The following ADAMTSL1 variants were observed in gnomAD, a reference collection of about 807,000 sequenced individuals.
ADAMTSL1 encodes ADAMTS like 1, also known as ADAMTS-like protein 1.
A neutral mutation model predicts 201.8 loss-of-function variants in ADAMTSL1; 126 were observed. That is an observed-to-expected ratio of 0.62 (90% confidence interval 0.54 to 0.72). The LOEUF (loss-of-function observed/expected upper bound fraction) is 0.72. ADAMTSL1 is among the 30% of genes least tolerant of loss of function. The pLI is 0.00. For synonymous variants in ADAMTSL1, 1,121 were observed against 903.4 expected (o/e 1.24, Z -4.32); for missense variants, 2,679 against 2,277.8 (o/e 1.18, Z -3.59).
chr9:18,901,700 T>TA (rs564842641), intron 26 of ADAMTSL1, among the ~76,000 whole-genome samples: 30 of 152,124 alleles, frequency 2.0e-4, no homozygotes, highest in East Asian at 7.7e-4. Context: ...TTTGTCACTA[T>TA]AAAAAAACAA....
chr9:18,743,812 T>C (rs146081063), intron 15 of ADAMTSL1, among the ~76,000 whole-genome samples: 274 of 152,374 alleles, frequency 1.8e-3, no homozygotes, highest in Admixed American at 6.1e-3. Flanking sequence ...TTTTACTTTA[T>C]CTTTTCTAGG....
chr9:18,085,200 A>G (rs540530416), intron 1 of ADAMTSL1, among the ~76,000 whole-genome samples: 3 of 152,190 alleles, frequency 2.0e-5, no homozygotes, highest in African/African-American at 7.2e-5. Flanking sequence ...TTTTCCTGTG[A>G]TTCAAGTGGG....
At chr9:18,100,930 T>C (rs1326990175) in intron 1 of ADAMTSL1, among the ~76,000 whole-genome samples, 2 of 152,232 alleles carry the variant, frequency 1.3e-5, no homozygotes, top group African/African-American at 4.8e-5. Context: ...TGCACTGCCG[T>C]GTCCCATACA....
intron 1 of ADAMTSL1, among the ~76,000 whole-genome samples, chr9:18,476,752 C>A (rs973188819): frequency 1.3e-5 from 2 of 152,020 alleles, no homozygotes; most frequent in Non-Finnish European, 2.9e-5. Flanking sequence ...TTCTAAAGGT[C>A]TCTGTAACTT....
intron 2 of ADAMTSL1, among the ~76,000 whole-genome samples, chr9:18,176,281 C>A (rs1828152720): frequency 6.6e-6 from 1 of 151,982 alleles, no homozygotes; most frequent in Admixed American, 6.6e-5. Context: ...GCCCATGGAA[C>A]AGAATCTTAA....
At chr9:17,998,402 G>A (rs1187108131) in intron 1 of ADAMTSL1, among the ~76,000 whole-genome samples, 3 of 152,022 alleles carry the variant, frequency 2.0e-5, no homozygotes, top group Non-Finnish European at 1.5e-5. Flanking sequence ...GAAGGCTGAA[G>A]ACAGGTGAGA....
At chr9:18,898,837 T>G (rs1162000682) in intron 26 of ADAMTSL1, among the ~76,000 whole-genome samples, 1 of 152,118 alleles carries the variant, frequency 6.6e-6, no homozygotes, top group African/African-American at 2.4e-5. Flanking sequence ...AATCAGCAGT[T>G]GCTATTATAG....
At chr9:18,636,124 C>A (rs1217812057) in intron 6 of ADAMTSL1, 107 bp downstream of exon 6, 1 of 940,516 alleles carries the variant, frequency 1.1e-6, no homozygotes, top group Non-Finnish European at 1.6e-6. Context: ...TCTTTCTACT[C>A]TATCATAATA....
intron 1 of ADAMTSL1, among the ~76,000 whole-genome samples, chr9:18,163,561 C>G (rs1161221171): frequency 6.6e-6 from 1 of 151,910 alleles, no homozygotes; most frequent in Non-Finnish European, 1.5e-5. Flanking sequence ...TGGGATGAGT[C>G]TAGGAGCCTG....
At chr9:18,541,076 A>G (rs1023433689) in intron 3 of ADAMTSL1, among the ~76,000 whole-genome samples, 1 of 152,222 alleles carries the variant, frequency 6.6e-6, no homozygotes, top group Non-Finnish European at 1.5e-5. Context: ...CTCTCATGTT[A>G]AAGTCAGATG....
chr9:18,775,510 G>C (rs2133744809), intron 17 of ADAMTSL1, among the ~76,000 whole-genome samples: 1 of 152,284 alleles, frequency 6.6e-6, no homozygotes, highest in East Asian at 1.9e-4. Context: ...GACTATATAT[G>C]TAAAATAGAT....
At chr9:18,349,966 G>A (rs919911352) in intron 2 of ADAMTSL1, among the ~76,000 whole-genome samples, 16 of 151,438 alleles carry the variant, frequency 1.1e-4, no homozygotes, top group Non-Finnish European at 1.9e-4. Flanking sequence ...TTTCTTTGAG[G>A]TTAGACCTCC....
chr9:18,652,814 G>T (rs183716427), intron 7 of ADAMTSL1, among the ~76,000 whole-genome samples: 19 of 152,106 alleles, frequency 1.2e-4, no homozygotes, highest in African/African-American at 4.3e-4. Context: ...TCCTTTATCC[G>T]CTGGAGGCTG....
chr9:18,074,514 C>A (rs201637633), intron 1 of ADAMTSL1, among the ~76,000 whole-genome samples: 1 of 90,122 alleles, frequency 1.1e-5, no homozygotes, highest in African/African-American at 4.7e-5. Context: ...TTCTTTTCTT[C>A]TTTTCTTTTC....
At chr9:18,494,980 C>T (rs1019595962) in intron 1 of ADAMTSL1, among the ~76,000 whole-genome samples, 4 of 152,040 alleles carry the variant, frequency 2.6e-5, no homozygotes, top group African/African-American at 9.7e-5. Context: ...GGCTGGAGGT[C>T]AAAAACACCA....
intron 4 of ADAMTSL1, among the ~76,000 whole-genome samples, chr9:18,601,362 A>G (rs1195240591): frequency 6.6e-6 from 1 of 152,230 alleles, no homozygotes; most frequent in African/African-American, 2.4e-5. Context: ...CTCAAGAAGC[A>G]CAAGTGCCAG....
chr9:18,484,514 G>C (rs983132980), intron 1 of ADAMTSL1, among the ~76,000 whole-genome samples: 1 of 151,900 alleles, frequency 6.6e-6, no homozygotes, highest in Non-Finnish European at 1.5e-5. Context: ...AAGCTTAATG[G>C]GTGTATTACT....
At chr9:18,621,713 G>A (rs1826044897) in intron 4 of ADAMTSL1, among the ~76,000 whole-genome samples, 1 of 152,020 alleles carries the variant, frequency 6.6e-6, no homozygotes, top group African/African-American at 2.4e-5. Context: ...GCCTACAATT[G>A]ACCAAGCACT....
In ADAMTSL1 at chr9:18,255,766, C is replaced by G. The variant is rs1831657785; in HGVS notation, c.207+91785C>G. ...TTCATCGTTCTGTCGAAATCCCACTCCTTGCCCACTCCCTCCCACCTCTCT... is the reference window on the plus strand; with the variant it reads ...TTCATCGTTCTGTCGAAATCCCACTGCTTGCCCACTCCCTCCCACCTCTCT... On this transcript the variant is annotated intron_variant, in intron 2 of 29. Transcript: ENST00000680146. 2.0e-5 allele frequency among the ~76,000 whole-genome samples: 3 copies of G among 152,170 alleles called. 1 individual carries two copies. Among genetic ancestry groups the G allele is most frequent in the Admixed American group, 2.0e-4 (3 of 15,284 alleles).
Sources: gnomAD v4.1 joint callset for allele counts (sites outside exome capture counted in the v4.1 genomes callset) on GRCh38, gnomAD v4.1.1 for gene constraint, MANE v1.5 for transcripts, NCBI Gene and HGNC (gene_info 2026-07-23, HGNC 2026-07-21) for gene names.